Variants in SEMA6D observed in about 807,000 individuals in gnomAD.
SEMA6D encodes the protein semaphorin 6D, also known as semaphorin-6D.
SEMA6D carries 35 observed loss-of-function variants against 106.6 expected under a neutral mutation model. That is an observed-to-expected ratio of 0.33 (90% CI 0.25 to 0.44). The LOEUF (loss-of-function observed/expected upper bound fraction) is 0.44. Ranked by LOEUF, SEMA6D falls within the 20% of genes least tolerant of loss-of-function variation. The pLI is 1.00. For missense variants in SEMA6D, 1,185 were observed against 1,345.9 expected (o/e 0.88, Z 1.87); for synonymous variants, 499 against 487.7 (o/e 1.02, Z -0.31).
chr15:47,291,526 C>G (rs950908917), intron 1 of SEMA6D, among the ~76,000 whole-genome samples: 1 of 152,140 alleles, frequency 6.6e-6, no homozygotes, highest in Non-Finnish European at 1.5e-5. Context: ...ACTCTCTTCC[C>G]TTCCTAACCA....
chr15:47,726,824 G>A (rs991813576), intron 1 of SEMA6D, among the ~76,000 whole-genome samples: 2 of 152,184 alleles, frequency 1.3e-5, no homozygotes, highest in Admixed American at 6.5e-5. Flanking sequence ...TTTAGCCCTT[G>A]TACTGTGCTG....
intron 1 of SEMA6D, among the ~76,000 whole-genome samples, chr15:47,214,020 G>A (rs749529772): frequency 1.3e-5 from 2 of 151,992 alleles, no homozygotes; most frequent in Non-Finnish European, 2.9e-5. Flanking sequence ...TCGCAGACCT[G>A]GGCTCATTTA....
At chr15:47,640,363 A>G (rs1263995571) in intron 4 of SEMA6D, among the ~76,000 whole-genome samples, 2 of 152,122 alleles carry the variant, frequency 1.3e-5, no homozygotes, top group African/African-American at 4.8e-5. Flanking sequence ...TAAGACACAA[A>G]TATATCGGTC....
intron 4 of SEMA6D, among the ~76,000 whole-genome samples, chr15:47,606,871 C>A (rs2076792545): frequency 6.6e-6 from 1 of 152,168 alleles, no homozygotes; most frequent in Non-Finnish European, 1.5e-5. Context: ...CTATGTGTCC[C>A]ATTCAGACTT....
intron 4 of SEMA6D, among the ~76,000 whole-genome samples, chr15:47,637,794 G>A (rs1386602073): frequency 2.0e-5 from 3 of 152,282 alleles, no homozygotes; most frequent in Non-Finnish European, 4.4e-5. Context: ...TCTTCATGGG[G>A]AATATCCAGT....
At chr15:47,363,067 G>C (rs1014407030) in intron 1 of SEMA6D, among the ~76,000 whole-genome samples, 2 of 151,798 alleles carry the variant, frequency 1.3e-5, no homozygotes, top group Non-Finnish European at 2.9e-5. Context: ...AATTTTAATA[G>C]TATTCACTTA....
At chr15:47,485,990 A>C (rs2043285421) in intron 3 of SEMA6D, among the ~76,000 whole-genome samples, 1 of 152,198 alleles carries the variant, frequency 6.6e-6, no homozygotes, top group East Asian at 1.9e-4. Flanking sequence ...GTAGTAAACT[A>C]AGCTAGGGCA....
At chr15:47,503,860 G>A (rs1191468400) in intron 3 of SEMA6D, among the ~76,000 whole-genome samples, 1 of 152,168 alleles carries the variant, frequency 6.6e-6, no homozygotes, top group East Asian at 1.9e-4. Flanking sequence ...TCTTAGTGAT[G>A]TAACCAAAAG....
chr15:47,759,923 AAC>A lies in SEMA6D; in HGVS notation c.109+18_109+19del. 2 of 1,543,054 alleles carry A rather than the reference AAC, an allele frequency of 1.3e-6. No homozygotes were observed. Among genetic ancestry groups the A allele is most frequent in the Non-Finnish European group, 1.8e-6 (2 of 1,115,290 alleles). The stretch of plus-strand genomic sequence containing the variant: ...GACTATCACTGTAAGTCGTCTCAAG[AAC>A]AGTCTTCTATTCTGAGAAGGAAGCT... On this transcript the variant is annotated intron_variant, in intron 2 of 18. Transcript: ENST00000536845.
At chr15:47,686,511 G>A (rs1338625967) in intron 4 of SEMA6D, among the ~76,000 whole-genome samples, 1 of 152,220 alleles carries the variant, frequency 6.6e-6, no homozygotes, top group Non-Finnish European at 1.5e-5. Flanking sequence ...TCGTGCAAAT[G>A]CACAGTACCT....
intron 4 of SEMA6D, among the ~76,000 whole-genome samples, chr15:47,646,680 TATG>T (rs2077588000): frequency 6.6e-6 from 1 of 152,168 alleles, no homozygotes; most frequent in Admixed American, 6.5e-5. Flanking sequence ...TTTCTCGGAA[TATG>T]ATGTCAAAAG....
intron 3 of SEMA6D, among the ~76,000 whole-genome samples, chr15:47,575,308 G>A (rs1444946697): frequency 6.6e-6 from 1 of 152,152 alleles, no homozygotes; most frequent in Non-Finnish European, 1.5e-5. Flanking sequence ...CAGGGAGGGG[G>A]TAGAAACAAA....
Position 47,762,639 on chromosome 15 carries a change from A to T in SEMA6D, c.658+320A>T, listed in dbSNP as rs112955008. On this transcript the variant is annotated intron_variant, in intron 8 of 18. Transcript: ENST00000536845. ...TGCCATCTACCCATCTTGGAAAGTTACCAGAGAGAATCGATTAGTCCGTAT... is the reference window on the plus strand; with the variant it reads ...TGCCATCTACCCATCTTGGAAAGTTTCCAGAGAGAATCGATTAGTCCGTAT... Among the ~76,000 whole-genome samples the T allele has an allele frequency of 3.5e-3, 538 of 152,310 alleles. 7 individuals are homozygous for T. The Middle Eastern group carries it at 0.065, about 18-fold the overall frequency.
At chr15:47,322,847 T>A (rs1566997609) in intron 1 of SEMA6D, among the ~76,000 whole-genome samples, 1 of 152,178 alleles carries the variant, frequency 6.6e-6, no homozygotes, top group Non-Finnish European at 1.5e-5. Context: ...GTGTTTTCCT[T>A]CCCTAAGAGA....
chr15:47,486,274 T>A (rs2043294221), intron 3 of SEMA6D, among the ~76,000 whole-genome samples: 1 of 152,244 alleles, frequency 6.6e-6, no homozygotes, highest in African/African-American at 2.4e-5. Context: ...GTGCAACTCA[T>A]GTCAAGAAAA....
intron 3 of SEMA6D, among the ~76,000 whole-genome samples, chr15:47,588,013 C>T (rs2076373791): frequency 6.6e-6 from 1 of 152,116 alleles, no homozygotes; most frequent in South Asian, 2.1e-4. Context: ...TACAGGAAAA[C>T]ACAGAGGAAA....
At chr15:47,495,867 C>T (rs1162255963) in intron 3 of SEMA6D, among the ~76,000 whole-genome samples, 1 of 152,028 alleles carries the variant, frequency 6.6e-6, no homozygotes, top group Non-Finnish European at 1.5e-5. Flanking sequence ...AGGTGCCCTT[C>T]ATTGAACATA....
intron 1 of SEMA6D, among the ~76,000 whole-genome samples, chr15:47,192,258 C>T (rs1350306283): frequency 6.6e-6 from 1 of 152,158 alleles, no homozygotes; most frequent in Non-Finnish European, 1.5e-5. Context: ...TCCATTGACA[C>T]TCACTGCCAC....
At chr15:47,316,080 C>T (rs185611321) in intron 1 of SEMA6D, among the ~76,000 whole-genome samples, 8 of 132,116 alleles carry the variant, frequency 6.1e-5, no homozygotes, top group African/African-American at 2.2e-4. Context: ...TCTTGCTTCC[C>T]AATCAGTATG....
Sources: allele counts gnomAD v4.1 joint callset (sites outside exome capture counted in the v4.1 genomes callset), GRCh38; gene constraint gnomAD v4.1.1; transcripts MANE v1.5; gene names NCBI Gene and HGNC (gene_info 2026-07-23, HGNC 2026-07-21).